The following SLC6A11 variants were observed in gnomAD, a reference collection of about 807,000 sequenced individuals.
SLC6A11 encodes the protein solute carrier family 6 member 11.
Under a neutral mutation model 74.8 loss-of-function variants are expected in SLC6A11, and 25 were observed. The ratio of observed to expected loss-of-function variants is 0.33; its 90% confidence interval spans 0.24 to 0.47. The LOEUF is 0.47. SLC6A11 is among the 20% of genes least tolerant of loss of function. The pLI, the probability that SLC6A11 is intolerant of heterozygous loss-of-function variation, is 1.00. For missense variants in SLC6A11, 574 were observed against 837.0 expected (o/e 0.69, Z 3.88); for synonymous variants, 330 against 330.2 (o/e 1.00, Z 0.01).
intron 6 of SLC6A11, among the ~76,000 whole-genome samples, chr3:10,882,832 G>T (rs1157235911): frequency 6.6e-6 from 1 of 152,196 alleles, no homozygotes; most frequent in Non-Finnish European, 1.5e-5. Flanking sequence ...TGGGCTCCAG[G>T]TTCTCACCTG....
intron 4 of SLC6A11, chr3:10,825,327 A>G (rs1694194585): frequency 6.6e-6 from 1 of 152,146 alleles, no homozygotes; most frequent in Admixed American, 6.5e-5. Flanking sequence ...TTTTAAATTC[A>G]CATTTCTCTA....
intron 5 of SLC6A11, among the ~76,000 whole-genome samples, chr3:10,845,252 G>A (rs1254285215): frequency 6.6e-6 from 1 of 152,188 alleles, no homozygotes; most frequent in Non-Finnish European, 1.5e-5. Context: ...AGTGGCATGT[G>A]TTTGAACTGA....
intron 4 of SLC6A11, among the ~76,000 whole-genome samples, chr3:10,838,834 C>G (rs756506139): frequency 6.6e-6 from 1 of 152,210 alleles, no homozygotes; most frequent in Non-Finnish European, 1.5e-5. Flanking sequence ...CATGCCCTGG[C>G]AGTGGTGTTG....
intron 3 of SLC6A11, among the ~76,000 whole-genome samples, chr3:10,820,478 C>T (rs540022410): frequency 8.5e-5 from 13 of 152,280 alleles, no homozygotes; most frequent in African/African-American, 3.1e-4. Flanking sequence ...TTCAATGACA[C>T]ATCCGTCCTG....
rs558342605 is a variant in SLC6A11 at position 10,909,436 on chromosome 3, G to A, written c.892-2654G>A. 1.1e-4 allele frequency among the ~76,000 whole-genome samples: 17 copies of A among 152,250 alleles called. No individual in the cohort carries two copies. In the East Asian group the frequency reaches 1.7e-3, roughly 16 times the overall value. ...GGGACGTATCTGGGGCTTGTGGGTC[G>A]AAAGCTTTCTTTGGTGTTTTCTAAC... On this transcript the variant is annotated intron_variant, in intron 6 of 13. Transcript: ENST00000254488.
chr3:10,907,845 A>G (rs1168449305), intron 6 of SLC6A11, among the ~76,000 whole-genome samples: 2 of 152,236 alleles, frequency 1.3e-5, no homozygotes, highest in African/African-American at 4.8e-5. Flanking sequence ...ATTATTTCCT[A>G]TGAGACTTTC....
intron 9 of SLC6A11, among the ~76,000 whole-genome samples, chr3:10,928,359 G>A (rs531226792): frequency 6.6e-6 from 1 of 152,236 alleles, no homozygotes; most frequent in South Asian, 2.1e-4. Context: ...TGAGGGGTGT[G>A]CTCAGGGCGC....
In SLC6A11 at chr3:10,823,311, T is replaced by C. The variant is rs759905316; in HGVS notation, c.542T>C (p.Val181Ala). 6.2e-6 allele frequency: 10 copies of C among 1,609,840 alleles called. No individual in the cohort carries two copies. In the South Asian group the frequency reaches 6.6e-5, roughly 11 times the overall value. Reference sequence around the variant, plus strand: ...CTTGTTTCCACTGTAGAGAATTGTGTGGAGTTCCAGAAACTGAATGTGAGC... The same window carrying C: ...CTTGTTTCCACTGTAGAGAATTGTGCGGAGTTCCAGAAACTGAATGTGAGC... Reference protein sequence around the residue: ...CGHEWNTENCVEFQKLNVSNY... With the variant: ...CGHEWNTENCAEFQKLNVSNY... The change falls in exon 4 of 14, where the codon GTG (valine) becomes GCG (alanine). Residue 181 changes from valine (V) to alanine (A), a missense_variant. Physicochemically the swap from Val to Ala is moderately conservative, Grantham distance 64. Around this residue, in one of 4 missense-constraint regions of SLC6A11, gnomAD observed 215 missense variants for 357.9 expected, o/e 0.60. Coordinates refer to ENST00000254488, the MANE Select transcript of SLC6A11 (RefSeq NM_014229.3).
At chr3:10,890,820 T>C (rs937746923) in intron 6 of SLC6A11, among the ~76,000 whole-genome samples, 2 of 152,234 alleles carry the variant, frequency 1.3e-5, no homozygotes, top group Non-Finnish European at 2.9e-5. Flanking sequence ...TCTTAGTCTG[T>C]GTATTTCTGG....
rs150977809 is a variant in SLC6A11 at position 10,915,597 on chromosome 3, G to A, written c.996-2732G>A. 6.4e-4 allele frequency among the ~76,000 whole-genome samples: 97 copies of A among 152,212 alleles called. No homozygotes were observed. The highest frequency in any genetic ancestry group is 2.1e-3 in the African/African-American group (88 of 41,512). On this transcript the variant is annotated intron_variant, in intron 7 of 13. Transcript: ENST00000254488. The surrounding 1 kb of genome is among the most constrained non-coding windows in gnomAD (Gnocchi z 4.3). ...GAGCTGGGGAAGGAATTAGAGGGAT[G>A]GAAATGGGAGCGAGCCAGGCAGGGA...
chr3:10,834,344 T>G (rs559643329), intron 4 of SLC6A11, among the ~76,000 whole-genome samples: 1 of 149,782 alleles, frequency 6.7e-6, no homozygotes, highest in East Asian at 2.0e-4. Context: ...AAGTTTGTTT[T>G]TTTTTTTGTT....
Position 10,927,309 on chromosome 3 carries a change from G to A in SLC6A11, c.1233+1193G>A, listed in dbSNP as rs78318047. ...GCAGGGGCTGGGGCCCCGGCTCGGC[G>A]AGTCCCTGGGCTGAGCTAAACCAGC... On this transcript the variant is annotated intron_variant, in intron 9 of 13. Coordinates refer to ENST00000254488, the MANE Select transcript of SLC6A11 (RefSeq NM_014229.3). 7.9e-5 allele frequency among the ~76,000 whole-genome samples: 12 copies of A among 152,262 alleles called. No individual in the cohort carries two copies. The East Asian group carries it at 1.7e-3, about 22-fold the overall frequency.
At chr3:10,847,304 G>A (rs76498433) in intron 5 of SLC6A11, among the ~76,000 whole-genome samples, 4,609 of 152,200 alleles carry the variant, frequency 0.03, 111 homozygotes, top group East Asian at 0.12. Flanking sequence ...CTTATGGACT[G>A]GTTATAAAGA....
At chr3:10,924,791 A>AT (rs1324223431) in intron 8 of SLC6A11, among the ~76,000 whole-genome samples, 1 of 152,250 alleles carries the variant, frequency 6.6e-6, no homozygotes, top group Non-Finnish European at 1.5e-5. Flanking sequence ...ATGATATAAC[A>AT]TCTCACTCCC....
At position 10,918,547 on chromosome 3, in the gene SLC6A11, A is replaced by T; in HGVS notation, c.1120+94A>T. On this transcript the variant is annotated intron_variant, in intron 8 of 13. Coordinates refer to ENST00000254488, the MANE Select transcript of SLC6A11 (RefSeq NM_014229.3). The surrounding 1 kb of genome is among the most constrained non-coding windows in gnomAD (Gnocchi z 4.5). The stretch of plus-strand genomic sequence containing the variant: ...TGCGATCTTCCTCCTCGGCTCACAC[A>T]TCTCCTGGATTCAGGCCTCAGAAAG... 1 of 1,415,392 alleles carries T rather than the reference A, an allele frequency of 7.1e-7. No individual in the cohort carries two copies. Among genetic ancestry groups the T allele is most frequent in the Non-Finnish European group, 9.5e-7 (1 of 1,052,370 alleles). 87.7% of individuals were successfully genotyped at this position (1,415,392 alleles called of 1,614,324 possible).
At chr3:10,919,596 A>C (rs1285677353) in intron 8 of SLC6A11, among the ~76,000 whole-genome samples, 1 of 152,204 alleles carries the variant, frequency 6.6e-6, no homozygotes, top group East Asian at 1.9e-4. Flanking sequence ...GCAGCTGATC[A>C]GCAAGCTCTG....
chr3:10,869,245 A>G (rs1200580413), intron 5 of SLC6A11, among the ~76,000 whole-genome samples: 2 of 152,182 alleles, frequency 1.3e-5, no homozygotes, highest in African/African-American at 2.4e-5. Context: ...CGGGAATGAC[A>G]GGGGTGATGA....
chr3:10,895,208 T>C (rs889305356), intron 6 of SLC6A11, among the ~76,000 whole-genome samples: 4 of 152,178 alleles, frequency 2.6e-5, no homozygotes, highest in Non-Finnish European at 5.9e-5. Flanking sequence ...CACTCACCTT[T>C]TTTAAAACTT....
At chr3:10,830,085 G>C (rs950718002) in intron 4 of SLC6A11, among the ~76,000 whole-genome samples, 10 of 152,098 alleles carry the variant, frequency 6.6e-5, no homozygotes. Flanking sequence ...AAGAGTTTTT[G>C]AATTACGAGG....
Sources: gnomAD v4.1 joint callset for allele counts (sites outside exome capture counted in the v4.1 genomes callset) on GRCh38, gnomAD v4.1.1 for gene constraint, gnomAD v4.1.1 regional missense constraint, Gnocchi (gnomAD v3.1) non-coding constraint, MANE v1.5 for transcripts, NCBI Gene and HGNC (gene_info 2026-07-23, HGNC 2026-07-21) for gene names.